RBM47: variants seen among roughly 807,000 people sequenced by gnomAD.
The protein encoded by RBM47 is RNA binding motif protein 47.
Under a neutral mutation model 47.1 loss-of-function variants are expected in RBM47, and 21 were observed. The ratio of observed to expected loss-of-function variants is 0.45; its 90% CI spans 0.32 to 0.64. The LOEUF (loss-of-function observed/expected upper bound fraction) is 0.64. RBM47 is among the 30% of genes least tolerant of loss of function. The pLI is 0.05. For missense variants in RBM47, 708 were observed against 870.9 expected (o/e 0.81, Z 2.35); for synonymous variants, 375 against 361.7 (o/e 1.04, Z -0.42).
At chr4:40,613,888 G>T (rs1340414360) in intron 1 of RBM47, among the ~76,000 whole-genome samples, 1 of 151,928 alleles carries the variant, frequency 6.6e-6, no homozygotes, top group Non-Finnish European at 1.5e-5. Flanking sequence ...GACATTTTGG[G>T]CTGGATAATT....
At chr4:40,560,387 T>C (rs1730494217) in intron 1 of RBM47, among the ~76,000 whole-genome samples, 1 of 152,188 alleles carries the variant, frequency 6.6e-6, no homozygotes, top group African/African-American at 2.4e-5. Flanking sequence ...CCCAGCACTT[T>C]CTTACCACTC....
intron 1 of RBM47, among the ~76,000 whole-genome samples, chr4:40,593,158 C>A (rs1232607973): frequency 2.0e-5 from 3 of 147,206 alleles, no homozygotes; most frequent in Non-Finnish European, 4.5e-5. Context: ...CCACGCCAGG[C>A]TAATTTTTTT....
chr4:40,559,916 G>T (rs1371223665), intron 1 of RBM47, among the ~76,000 whole-genome samples: 2 of 152,156 alleles, frequency 1.3e-5, no homozygotes, highest in East Asian at 3.8e-4. Context: ...GCCATTTCTA[G>T]TGTTTACCTT....
chr4:40,517,501 T>C (rs1239494895), intron 2 of RBM47, among the ~76,000 whole-genome samples: 2 of 152,152 alleles, frequency 1.3e-5, no homozygotes, highest in Non-Finnish European at 2.9e-5. Context: ...GTCCAATGCC[T>C]TACTGTTCAG....
Position 40,438,482 on chromosome 4 carries a change from GGCGGATCTCGT to G in RBM47, c.401_411del (p.Tyr134SerfsTer97). ...CAGCACACGCCGAGCAGGCGGCCCG[GGCGGATCTCGT>G]AGTTGTTGAGCTCACGCACTGCGCG... On this transcript the variant is annotated frameshift_variant, in exon 4 of 7. Transcript: ENST00000295971. LOFTEE classifies it high-confidence loss of function. The G allele has an allele frequency of 6.2e-7, 1 of 1,613,494 alleles. No individual in the cohort carries two copies. The highest frequency in any genetic ancestry group is 8.5e-7 in the Non-Finnish European group (1 of 1,179,918).
At chr4:40,609,902 CT>C (rs1280593931) in intron 1 of RBM47, among the ~76,000 whole-genome samples, 1 of 151,518 alleles carries the variant, frequency 6.6e-6, no homozygotes, top group Non-Finnish European at 1.5e-5. Context: ...CAAGACCAGC[CT>C]GACCAACATG....
At chr4:40,448,010 CAAAAAAATAAAAAT>C (rs1215895948) in intron 3 of RBM47, among the ~76,000 whole-genome samples, 7 of 151,284 alleles carry the variant, frequency 4.6e-5, no homozygotes, top group Non-Finnish European at 8.8e-5. Context: ...GACTCCGTCT[CAAAAAAATAAAAAT>C]AAAAAAATAA....
At chr4:40,460,735 A>T (rs558168502) in intron 3 of RBM47, among the ~76,000 whole-genome samples, 38 of 151,300 alleles carry the variant, frequency 2.5e-4, no homozygotes, top group Non-Finnish European at 5.2e-4. Flanking sequence ...TAAAAATACA[A>T]AAGTTAGTCA....
chr4:40,478,194 T>C (rs921456445), intron 2 of RBM47, among the ~76,000 whole-genome samples: 1 of 152,062 alleles, frequency 6.6e-6, no homozygotes, highest in African/African-American at 2.4e-5. Flanking sequence ...TTTGTATTTT[T>C]AGTAGAGACG....
intron 2 of RBM47, among the ~76,000 whole-genome samples, chr4:40,498,610 T>C (rs1335034073): frequency 6.8e-6 from 1 of 146,824 alleles, no homozygotes; most frequent in African/African-American, 2.6e-5. Context: ...AAGGTGGAGG[T>C]TGCAGTGAGC....
chr4:40,580,665 A>G (rs551922209), intron 1 of RBM47, among the ~76,000 whole-genome samples: 5 of 152,208 alleles, frequency 3.3e-5, no homozygotes, highest in South Asian at 2.1e-4. Flanking sequence ...CAAGTTTCCC[A>G]TATCATTCAG....
At chr4:40,563,246 T>C (rs777488487) in intron 1 of RBM47, among the ~76,000 whole-genome samples, 6 of 152,232 alleles carry the variant, frequency 3.9e-5, no homozygotes, top group Non-Finnish European at 7.3e-5. Flanking sequence ...TATTTTAGCA[T>C]GGTTGATTAC....
At chr4:40,488,904 A>G (rs866136092) in intron 2 of RBM47, among the ~76,000 whole-genome samples, 3 of 152,326 alleles carry the variant, frequency 2.0e-5, no homozygotes, top group Middle Eastern at 6.8e-3. Flanking sequence ...TCTTTCTGCT[A>G]TTTTGCAGAT....
chr4:40,568,220 G>A (rs921849708), intron 1 of RBM47, among the ~76,000 whole-genome samples: 1 of 151,658 alleles, frequency 6.6e-6, no homozygotes, highest in African/African-American at 2.4e-5. Context: ...GAGCTCAGAA[G>A]TTCGAGACCA....
At chr4:40,500,382 T>C (rs1723197544) in intron 2 of RBM47, among the ~76,000 whole-genome samples, 1 of 151,770 alleles carries the variant, frequency 6.6e-6, no homozygotes, top group South Asian at 2.1e-4. Context: ...GAGGCCGAGA[T>C]GGGCGAAATG....
intron 1 of RBM47, among the ~76,000 whole-genome samples, chr4:40,592,551 T>C (rs1027239544): frequency 2.0e-5 from 3 of 151,402 alleles, no homozygotes; most frequent in Non-Finnish European, 4.4e-5. Context: ...CAGCCTCCCA[T>C]GTAGCTAGGA....
In RBM47 at chr4:40,616,557, C is replaced by T. The variant is rs566580576; in HGVS notation, c.-240+12839G>A. ...TCCAAAAGCCCTGTGTGTTGCTCAC[C>T]CTCATATCCCCAGTTCGCTTTAGGT... On this transcript the variant is annotated intron_variant, in intron 1 of 6. Transcript: ENST00000295971. 1.4e-3 allele frequency among the ~76,000 whole-genome samples: 210 copies of T among 152,048 alleles called. 1 individual carries two copies. Among genetic ancestry groups the T allele is most frequent in the African/African-American group, 4.9e-3 (203 of 41,492 alleles).
intron 1 of RBM47, among the ~76,000 whole-genome samples, chr4:40,583,794 C>T (rs1367754609): frequency 4.7e-5 from 7 of 148,050 alleles, no homozygotes; most frequent in African/African-American, 1.7e-4. Flanking sequence ...GGAGGCAGAG[C>T]TTGCAGTGAG....
At chr4:40,453,224 G>A (rs1715724572) in intron 3 of RBM47, among the ~76,000 whole-genome samples, 1 of 151,926 alleles carries the variant, frequency 6.6e-6, no homozygotes, top group African/African-American at 2.4e-5. Context: ...AGAAATGGGT[G>A]GGAGGGAACA....
Sources: allele counts gnomAD v4.1 joint callset (sites outside exome capture counted in the v4.1 genomes callset), GRCh38; gene constraint gnomAD v4.1.1; transcripts MANE v1.5; gene names NCBI Gene and HGNC (gene_info 2026-07-23, HGNC 2026-07-21).